The following MBOAT1 variants were observed in gnomAD, a reference collection of about 807,000 sequenced individuals.
MBOAT1 encodes the protein membrane-bound glycerophospholipid O-acyltransferase 1.
MBOAT1 carries 67 observed loss-of-function variants against 64.4 expected under a neutral mutation model. That is an observed-to-expected ratio of 1.04 (90% CI 0.85 to 1.27). The LOEUF is 1.27. MBOAT1 is among the 50% of genes most tolerant of loss of function. The pLI, the probability that MBOAT1 is intolerant of heterozygous loss-of-function variation, is 0.00. For synonymous variants in MBOAT1, 229 were observed against 218.9 expected (o/e 1.05, Z -0.41); for missense variants, 563 against 604.6 (o/e 0.93, Z 0.72).
chr6:20,144,525 T>G (rs1475980093), intron 3 of MBOAT1, among the ~76,000 whole-genome samples: 3 of 152,170 alleles, frequency 2.0e-5, no homozygotes, highest in Non-Finnish European at 1.5e-5. Context: ...CTGTCAGCCT[T>G]AGCTGCATAA....
At chr6:20,128,334 G>A (rs149842884) in intron 6 of MBOAT1, among the ~76,000 whole-genome samples, 1 of 151,672 alleles carries the variant, frequency 6.6e-6, no homozygotes, top group East Asian at 1.9e-4. Context: ...CTATTCTTTA[G>A]GACCCCCAAG....
chr6:20,175,611 T>C (rs1239340584), intron 1 of MBOAT1, among the ~76,000 whole-genome samples: 2 of 151,488 alleles, frequency 1.3e-5, no homozygotes, highest in African/African-American at 2.4e-5. Flanking sequence ...CACGCCTGGC[T>C]ATTTTTTGTT....
At chr6:20,167,812 C>T (rs111495242) in intron 1 of MBOAT1, among the ~76,000 whole-genome samples, 4 of 152,304 alleles carry the variant, frequency 2.6e-5, no homozygotes, top group African/African-American at 9.6e-5. Flanking sequence ...TGAGTTAATA[C>T]ATGTCAAGTG....
chr6:20,136,589 G>T (rs972082194), intron 4 of MBOAT1, among the ~76,000 whole-genome samples: 10 of 152,140 alleles, frequency 6.6e-5, no homozygotes, highest in African/African-American at 1.9e-4. Context: ...TAAACCAACA[G>T]AGGAAAACAC....
chr6:20,193,169 C>A (rs1762857308), intron 1 of MBOAT1, among the ~76,000 whole-genome samples: 1 of 151,540 alleles, frequency 6.6e-6, no homozygotes, highest in Non-Finnish European at 1.5e-5. Flanking sequence ...CCGCGCCCGG[C>A]TAATTTTTTT....
At position 20,200,787 on chromosome 6, in the gene MBOAT1, A is replaced by G. The variant is rs185991158; in HGVS notation, c.99+11349T>C. On this transcript the variant is annotated intron_variant, in intron 1 of 12. Transcript: ENST00000324607. ...CTCCCCCAATACCATAACTTTCAGCATTTGCTAAAGGAGAAAGTGTAGGGT... is the reference window on the plus strand; with the variant it reads ...CTCCCCCAATACCATAACTTTCAGCGTTTGCTAAAGGAGAAAGTGTAGGGT... Among the ~76,000 whole-genome samples, 248 of 152,130 alleles carry G rather than the reference A, an allele frequency of 1.6e-3. 1 individual carries two copies. The highest frequency in any genetic ancestry group is 5.8e-3 in the African/African-American group (239 of 41,480).
At chr6:20,189,618 G>A (rs756876633) in intron 1 of MBOAT1, among the ~76,000 whole-genome samples, 2 of 152,154 alleles carry the variant, frequency 1.3e-5, no homozygotes, top group Non-Finnish European at 2.9e-5. Flanking sequence ...TCACCATGTT[G>A]TACAATAGAT....
intron 1 of MBOAT1, among the ~76,000 whole-genome samples, chr6:20,172,209 C>T (rs895789017): frequency 6.6e-6 from 1 of 151,964 alleles, no homozygotes; most frequent in East Asian, 1.9e-4. Flanking sequence ...CTGAGGCAGG[C>T]GGATCACGAG....
chr6:20,193,145 A>G (rs553494932), intron 1 of MBOAT1, among the ~76,000 whole-genome samples: 17 of 151,624 alleles, frequency 1.1e-4, no homozygotes, highest in Admixed American at 2.0e-4. Context: ...AGCTGGGACT[A>G]CAGGTGCCCG....
chr6:20,111,099 T>G (rs921160277), intron 11 of MBOAT1, among the ~76,000 whole-genome samples: 3 of 152,288 alleles, frequency 2.0e-5, no homozygotes, highest in African/African-American at 7.2e-5. Flanking sequence ...AAACTGAGAC[T>G]TAGGTAAAGA....
chr6:20,210,037 C>T (rs115683224), intron 1 of MBOAT1, among the ~76,000 whole-genome samples: 2,355 of 152,354 alleles, frequency 0.015, 67 homozygotes, highest in African/African-American at 0.053. Context: ...GCCCATACCC[C>T]TCTAAGTAAT....
chr6:20,104,436 T>C (rs2113621837), intron 12 of MBOAT1, among the ~76,000 whole-genome samples: 1 of 152,160 alleles, frequency 6.6e-6, no homozygotes, highest in East Asian at 1.9e-4. Flanking sequence ...TCTAAACTAA[T>C]AAAAAAAACA....
Position 20,101,346 on chromosome 6 carries a change from GA to G in MBOAT1, c.*939del, listed in dbSNP as rs1278110397. On this transcript the variant is annotated 3_prime_UTR_variant, in exon 13 of 13. Coordinates refer to ENST00000324607, the MANE Select transcript of MBOAT1 (RefSeq NM_001080480.3). ...TTGGCTCAGGTCAGAAGAAAAAGGG[GA>G]AAGGTTACATTCCTGGAAAGAAAAT... Among the ~76,000 whole-genome samples, 7 of 152,140 alleles carry G rather than the reference GA, an allele frequency of 4.6e-5. No homozygotes were observed. Among genetic ancestry groups the G allele is most frequent in the African/African-American group, 1.7e-4 (7 of 41,434 alleles).
intron 5 of MBOAT1, 70 bp downstream of exon 5, chr6:20,131,074 A>G (rs145337958): frequency 7.4e-7 from 1 of 1,344,058 alleles, no homozygotes; most frequent in Non-Finnish European, 1.1e-6. Flanking sequence ...GACTGTGTAC[A>G]TAGTATAAAA....
intron 12 of MBOAT1, among the ~76,000 whole-genome samples, chr6:20,107,166 C>T (rs1759982477): frequency 6.6e-6 from 1 of 152,044 alleles, no homozygotes; most frequent in Admixed American, 6.6e-5. Context: ...TGTTACTCAC[C>T]CTCTCTTGAG....
At chr6:20,152,889 G>A in intron 1 of MBOAT1, 120 bp from the exon 2 acceptor site, 7 of 1,103,778 alleles carry the variant, frequency 6.3e-6, no homozygotes, top group Non-Finnish European at 8.7e-6. Context: ...CTGGAGTGCA[G>A]TGGCGCAAAC....
chr6:20,175,556 C>T (rs1762317856), intron 1 of MBOAT1, among the ~76,000 whole-genome samples: 1 of 152,066 alleles, frequency 6.6e-6, no homozygotes, highest in Admixed American at 6.6e-5. Flanking sequence ...AAGCGATTCT[C>T]CTGTCTCAGC....
At chr6:20,177,631 A>G (rs1762380878) in intron 1 of MBOAT1, among the ~76,000 whole-genome samples, 2 of 152,024 alleles carry the variant, frequency 1.3e-5, no homozygotes, top group East Asian at 3.9e-4. Context: ...AAAATTAGCC[A>G]GGCATGGTGG....
chr6:20,125,664 C>G (rs902840768), intron 7 of MBOAT1, among the ~76,000 whole-genome samples: 1 of 152,174 alleles, frequency 6.6e-6, no homozygotes, highest in Non-Finnish European at 1.5e-5. Flanking sequence ...TGACTTCACT[C>G]CTAGATCGTT....
Sources: gnomAD v4.1 joint callset for allele counts (sites outside exome capture counted in the v4.1 genomes callset) on GRCh38, gnomAD v4.1.1 for gene constraint, MANE v1.5 for transcripts, NCBI Gene and HGNC (gene_info 2026-07-23, HGNC 2026-07-21) for gene names.